Variants in ROS1 observed in about 807,000 individuals in gnomAD.
ROS1 encodes the protein ROS proto-oncogene 1, receptor tyrosine kinase, also known as proto-oncogene tyrosine-protein kinase ROS.
Under a neutral mutation model 273.5 loss-of-function variants are expected in ROS1, and 263 were observed. That is an observed-to-expected ratio of 0.96 (90% CI 0.87 to 1.06). The LOEUF is 1.06. ROS1 is among the 50% of genes least tolerant of loss of function. The pLI is 0.00. For missense variants in ROS1, 2,833 were observed against 2,751.1 expected (o/e 1.03, Z -0.67); for synonymous variants, 1,008 against 954.1 (o/e 1.06, Z -1.04).
At position 117,356,776 on chromosome 6, in the gene ROS1, T is replaced by G; in HGVS notation, c.3979A>C (p.Thr1327Pro). 1 of 1,614,206 alleles carries G rather than the reference T, an allele frequency of 6.2e-7. No individual in the cohort carries two copies. Among genetic ancestry groups the G allele is most frequent in the Non-Finnish European group, 8.5e-7 (1 of 1,180,036 alleles). The change falls in exon 26 of 44, where the codon ACT (threonine) becomes CCT (proline). Residue 1327 changes from threonine (T) to proline (P), a missense_variant. Thr to Pro is a conservative substitution (Grantham distance 38). Coordinates refer to ENST00000368507, the MANE Select transcript of ROS1 (RefSeq NM_001378902.1). ...NKRNQCSCNV[T>P]EFELSGAMAI... ...ATTGCTCCACTTAACTCAAATTCAG[T>G]CACATTACAAGAACATTGATTCCTT... is the stretch of plus-strand genomic sequence containing the variant.
chr6:117,377,065 A>G (rs1444610514), intron 18 of ROS1, among the ~76,000 whole-genome samples: 1 of 151,936 alleles, frequency 6.6e-6, no homozygotes, highest in African/African-American at 2.4e-5. Context: ...ATATCAAAGG[A>G]ACAGAACAGA....
chr6:117,399,992 A>T (rs1773811756), intron 7 of ROS1, among the ~76,000 whole-genome samples: 1 of 151,968 alleles, frequency 6.6e-6, no homozygotes, highest in Non-Finnish European at 1.5e-5. Context: ...TAAAGTACAA[A>T]CTCCTTACCC....
At chr6:117,318,299 T>C in intron 37 of ROS1, 47 bp from the exon 38 acceptor site, 1 of 1,409,500 alleles carries the variant, frequency 7.1e-7, no homozygotes. Context: ...CAGACATTTC[T>C]GTGAGCTCAG....
chr6:117,405,861 T>G (rs1774356135), intron 5 of ROS1, among the ~76,000 whole-genome samples: 1 of 152,172 alleles, frequency 6.6e-6, no homozygotes, highest in Non-Finnish European at 1.5e-5. Flanking sequence ...CAAGCAAGTA[T>G]GTAAACTTTG....
intron 42 of ROS1, chr6:117,301,585 G>C (rs1774732449): frequency 1.3e-5 from 2 of 153,998 alleles, no homozygotes; most frequent in Non-Finnish European, 2.9e-5. Flanking sequence ...CTTGGTTGGA[G>C]AGGATGACCT....
intron 27 of ROS1, among the ~76,000 whole-genome samples, chr6:117,346,513 G>A (rs1344975629): frequency 6.6e-6 from 1 of 151,424 alleles, no homozygotes; most frequent in Non-Finnish European, 1.5e-5. Context: ...GTTTGTGTAT[G>A]TGGCTGGGAG....
chr6:117,301,397 A>G (rs1774714289), intron 42 of ROS1: 1 of 298,940 alleles, frequency 3.3e-6, no homozygotes, highest in Non-Finnish European at 6.2e-6. Context: ...ATGGATAAGT[A>G]GATGGTGGGA....
At chr6:117,318,325 T>C in intron 37 of ROS1, 73 bp from the exon 38 acceptor site, 5 of 1,023,258 alleles carry the variant, frequency 4.9e-6, no homozygotes, top group Non-Finnish European at 7.7e-6. Flanking sequence ...TAATGGAGAT[T>C]GTTCTGTTTG....
chr6:117,353,467 G>A (rs764652017), intron 26 of ROS1, among the ~76,000 whole-genome samples: 33 of 152,218 alleles, frequency 2.2e-4, no homozygotes, highest in Admixed American at 7.2e-4. Context: ...GGCAGACCCA[G>A]GATTTAAAAC....
At chr6:117,398,924 GAT>G (rs1582849533) in intron 7 of ROS1, among the ~76,000 whole-genome samples, 1 of 150,454 alleles carries the variant, frequency 6.6e-6, no homozygotes, top group East Asian at 2.0e-4. Flanking sequence ...AGTGAGCTGA[GAT>G]CGTGCTACTG....
chr6:117,410,956 G>T (rs1243932006), intron 4 of ROS1, among the ~76,000 whole-genome samples: 2 of 151,986 alleles, frequency 1.3e-5, no homozygotes, highest in Non-Finnish European at 2.9e-5. Flanking sequence ...GAACTGCAGA[G>T]AATAAACAAA....
Position 117,387,833 on chromosome 6 carries a change from G to A in ROS1, c.1946C>T (p.Pro649Leu). 1 of 1,614,100 alleles carries A rather than the reference G, an allele frequency of 6.2e-7. No individual in the cohort carries two copies. Among genetic ancestry groups the A allele is most frequent in the Non-Finnish European group, 8.5e-7 (1 of 1,179,996 alleles). Residue 649 changes from proline (P) to leucine (L), a missense_variant, in exon 14 of 44, where the codon CCA (proline) becomes CTA (leucine). By Grantham distance (98) the Pro-to-Leu change is moderately conservative. Transcript: ENST00000368507. ...CTCTGACCAGGGGCCTGGCCTCTTT[G>A]GAGAACTTGCTCTCACAGAAACCTT... ...KYKVSVRASSPKRPGPWSEPS... is the reference protein window; with the variant it reads ...KYKVSVRASSLKRPGPWSEPS...
chr6:117,298,880 T>C (rs1425233068), intron 43 of ROS1, among the ~76,000 whole-genome samples: 1 of 152,216 alleles, frequency 6.6e-6, no homozygotes, highest in East Asian at 1.9e-4. Flanking sequence ...ATTATCAAAA[T>C]TTTATTCAGA....
At chr6:117,322,107 G>A (rs1392350577) in intron 35 of ROS1, among the ~76,000 whole-genome samples, 1 of 152,054 alleles carries the variant, frequency 6.6e-6, no homozygotes, top group Non-Finnish European at 1.5e-5. Flanking sequence ...AAAGCAGCAA[G>A]CATGCTTTGA....
chr6:117,324,095 C>A (rs919165083), intron 35 of ROS1, among the ~76,000 whole-genome samples: 2 of 152,148 alleles, frequency 1.3e-5, no homozygotes, highest in African/African-American at 4.8e-5. Flanking sequence ...GTAGTTTTAT[C>A]TAAAGTATAA....
chr6:117,398,747 G>A (rs961723767), intron 7 of ROS1, among the ~76,000 whole-genome samples: 1 of 151,118 alleles, frequency 6.6e-6, no homozygotes, highest in South Asian at 2.1e-4. Flanking sequence ...GGCCGAGGCG[G>A]GCGGATCACG....
chr6:117,326,232 A>G lies in ROS1; in HGVS notation c.5531T>C (p.Leu1844Ser). 1 of 1,590,004 alleles carries G rather than the reference A, an allele frequency of 6.3e-7. No homozygotes were observed. The highest frequency in any genetic ancestry group is 8.5e-7 in the Non-Finnish European group (1 of 1,170,446). Residue 1844 changes from leucine (L) to serine (S), a missense_variant, in exon 34 of 44, where the codon TTA (leucine) becomes TCA (serine). Coordinates refer to ENST00000368507, the MANE Select transcript of ROS1 (RefSeq NM_001378902.1). ...CAGACATGGTAACATACCTCCAACTAATATAATATTCTCACTGATTCCACT... is the reference window on the plus strand; with the variant it reads ...CAGACATGGTAACATACCTCCAACTGATATAATATTCTCACTGATTCCACT... ...EYSGISENII[L>S]VGDDFWIPET...
chr6:117,418,946 A>G (rs888459953), intron 1 of ROS1, among the ~76,000 whole-genome samples: 1 of 152,196 alleles, frequency 6.6e-6, no homozygotes, highest in Non-Finnish European at 1.5e-5. Flanking sequence ...AATTTTAAGA[A>G]CTTTTTTATA....
At chr6:117,375,545 C>T (rs1014503140) in intron 18 of ROS1, among the ~76,000 whole-genome samples, 11 of 152,100 alleles carry the variant, frequency 7.2e-5, no homozygotes, top group East Asian at 3.8e-4. Context: ...ATCTATAGAA[C>T]CTACCTGCAC....
Sources: allele counts gnomAD v4.1 joint callset (sites outside exome capture counted in the v4.1 genomes callset), GRCh38; gene constraint gnomAD v4.1.1; transcripts MANE v1.5; gene names NCBI Gene and HGNC (gene_info 2026-07-23, HGNC 2026-07-21).